The following PIK3AP1 variants were observed in gnomAD, a reference collection of about 807,000 sequenced individuals.
PIK3AP1 encodes phosphoinositide 3-kinase adapter protein 1.
PIK3AP1 carries 21 observed loss-of-function variants against 88.1 expected under a neutral mutation model. That is an observed-to-expected ratio of 0.24 (90% CI 0.17 to 0.34). PIK3AP1 has a LOEUF of 0.34. PIK3AP1 is among the 10% of genes least tolerant of loss of function. The probability of loss-of-function intolerance (pLI) is 1.00; values close to 1 mark genes in which losing one functional copy is unlikely to be tolerated. For missense variants in PIK3AP1, 828 were observed against 1,035.7 expected, an observed-to-expected ratio of 0.80 and a Z score of 2.75; for synonymous variants, 398 against 400.0, an observed-to-expected ratio of 1.00 and a Z score of 0.06.
intron 14 of PIK3AP1, among the ~76,000 whole-genome samples, chr10:96,609,472 A>G (rs999865146): frequency 6.6e-6 from 1 of 152,256 alleles, no homozygotes; most frequent in Non-Finnish European, 1.5e-5. Flanking sequence ...ACCTATTAGT[A>G]TTAGGTTTTG....
intron 2 of PIK3AP1, among the ~76,000 whole-genome samples, chr10:96,700,545 C>T (rs1697246931): frequency 6.6e-6 from 1 of 152,098 alleles, no homozygotes; most frequent in Admixed American, 6.6e-5. Context: ...GTATCTTCTT[C>T]CCCAAATCAA....
chr10:96,606,487 G>A (rs189278022), intron 14 of PIK3AP1, among the ~76,000 whole-genome samples: 132 of 152,328 alleles, frequency 8.7e-4, no homozygotes, highest in African/African-American at 3.2e-3. Flanking sequence ...CCTTCTGCTG[G>A]CATTCTTAAA....
intron 2 of PIK3AP1, among the ~76,000 whole-genome samples, chr10:96,671,927 A>G (rs956362460): frequency 8.5e-5 from 13 of 152,122 alleles, no homozygotes; most frequent in East Asian, 1.9e-4. Flanking sequence ...AGTCCCAGCT[A>G]CTTGGGAGGT....
chr10:96,688,482 T>C (rs2861673), intron 2 of PIK3AP1, among the ~76,000 whole-genome samples: 69,393 of 152,092 alleles, frequency 0.46, 16,040 homozygotes, highest in Middle Eastern at 0.62. Context: ...ATATTTATCA[T>C]GTACACCATG....
In PIK3AP1 at chr10:96,645,319, A is replaced by C. The variant is rs530884067; in HGVS notation, c.1375+154T>G. 2.0e-5 allele frequency among the ~76,000 whole-genome samples: 3 copies of C among 152,264 alleles called. No homozygotes were observed. The South Asian group carries it at 6.2e-4, about 32-fold the overall frequency. ...AGAAGAATTCTGCTTGTCACAGCAC[A>C]TGACTCCAGCCCTAGCTTTGTGTAA... is the stretch of plus-strand genomic sequence containing the variant. On this transcript the variant is annotated intron_variant, in intron 8 of 16. Transcript: ENST00000339364.
chr10:96,619,419 C>T (rs1428860095), intron 12 of PIK3AP1: 1 of 152,342 alleles, frequency 6.6e-6, no homozygotes, highest in Non-Finnish European at 1.5e-5. Context: ...CCCATCTGAT[C>T]TCTGAGGGTA....
intron 8 of PIK3AP1, among the ~76,000 whole-genome samples, chr10:96,640,761 G>A (rs1185731582): frequency 6.6e-6 from 1 of 151,826 alleles, no homozygotes. Flanking sequence ...AGGCTCAAGC[G>A]ATTCTCCCAC....
chr10:96,703,196 CT>C (rs1205618716), intron 2 of PIK3AP1, among the ~76,000 whole-genome samples: 3 of 152,050 alleles, frequency 2.0e-5, no homozygotes, highest in Admixed American at 6.6e-5. Context: ...TTCTTTTAAA[CT>C]GTAGTTTAAT....
chr10:96,676,791 A>C (rs624029), intron 2 of PIK3AP1, among the ~76,000 whole-genome samples: 25,295 of 151,926 alleles, frequency 0.17, 2,995 homozygotes, highest in African/African-American at 0.32. Flanking sequence ...CAGAATAATC[A>C]TCTCCATTCC....
intron 1 of PIK3AP1, among the ~76,000 whole-genome samples, chr10:96,716,500 A>G (rs1002157006): frequency 6.6e-6 from 1 of 152,202 alleles, no homozygotes; most frequent in African/African-American, 2.4e-5. Flanking sequence ...GAGGACAATG[A>G]AATCTATCAC....
At chr10:96,620,802 C>T in intron 11 of PIK3AP1, 2 of 473,144 alleles carry the variant, frequency 4.2e-6, no homozygotes, top group South Asian at 6.2e-5. Context: ...AATCTGCTGA[C>T]TCTCCCAAGT....
Position 96,720,285 on chromosome 10 carries a change from G to A in PIK3AP1, c.13+97C>T. ...AAGAGGGCAAGATCCCCGCACAGAG[G>A]ACGCAAACAGAAGCAAGCGGGGGAG... On this transcript the variant is annotated intron_variant, in intron 1 of 16. Transcript: ENST00000339364. The surrounding 1 kb of genome is among the most constrained non-coding windows in gnomAD (Gnocchi z 4.6). 1 of 1,149,462 alleles carries A rather than the reference G, an allele frequency of 8.7e-7. No homozygotes were observed. The highest frequency in any genetic ancestry group is 1.1e-6 in the Non-Finnish European group (1 of 905,322). The allele number at this position is 1,149,462 out of a possible 1,614,324, so 71.2% of individuals were successfully genotyped here.
chr10:96,650,207 G>A (rs1276573937), intron 6 of PIK3AP1, among the ~76,000 whole-genome samples: 1 of 152,178 alleles, frequency 6.6e-6, no homozygotes, highest in Non-Finnish European at 1.5e-5. Flanking sequence ...CAATACGAAA[G>A]AGAGTCCCCC....
At chr10:96,598,292 C>A (rs1342785064) in intron 16 of PIK3AP1, among the ~76,000 whole-genome samples, 1 of 151,972 alleles carries the variant, frequency 6.6e-6, no homozygotes, top group Non-Finnish European at 1.5e-5. Context: ...CTCAAGGAAT[C>A]CCTCCCTCCC....
At chr10:96,713,486 A>G (rs979869568) in intron 1 of PIK3AP1, among the ~76,000 whole-genome samples, 26 of 144,784 alleles carry the variant, frequency 1.8e-4, no homozygotes, top group African/African-American at 6.7e-4. Context: ...CCTGGGAGAC[A>G]GACCGAGACT....
At position 96,604,531 on chromosome 10, in the gene PIK3AP1, C is replaced by G. The variant is rs569593703; in HGVS notation, c.2171-482G>C. Among the ~76,000 whole-genome samples the G allele has an allele frequency of 5.9e-5, 9 of 152,098 alleles. No individual in the cohort carries two copies. In the East Asian group the frequency reaches 1.7e-3, roughly 29 times the overall value. ...TTTTATTAGAGTTCAGTTTTTCTTT[C>G]AGCATGAAACAAAATTATTCACTTT... On this transcript the variant is annotated intron_variant, in intron 14 of 16. Coordinates refer to ENST00000339364, the MANE Select transcript of PIK3AP1 (RefSeq NM_152309.3).
chr10:96,604,891 G>T (rs1848975718), intron 14 of PIK3AP1, among the ~76,000 whole-genome samples: 1 of 151,710 alleles, frequency 6.6e-6, no homozygotes, highest in Admixed American at 6.6e-5. Context: ...ACTGAGTTTT[G>T]CTTTGTTACC....
intron 2 of PIK3AP1, among the ~76,000 whole-genome samples, chr10:96,663,225 TA>T (rs1232745108): frequency 1.3e-5 from 2 of 152,128 alleles, no homozygotes; most frequent in African/African-American, 4.8e-5. Context: ...GAAAATACTC[TA>T]AAATGGATTA....
At chr10:96,602,904 A>T (rs561919006) in intron 15 of PIK3AP1, among the ~76,000 whole-genome samples, 29 of 152,210 alleles carry the variant, frequency 1.9e-4, no homozygotes, top group Non-Finnish European at 3.7e-4. Flanking sequence ...AGCAGAAGGC[A>T]GAGGTGTGAG....
Sources: gnomAD v4.1 joint callset for allele counts (sites outside exome capture counted in the v4.1 genomes callset) on GRCh38, gnomAD v4.1.1 for gene constraint, Gnocchi (gnomAD v3.1) non-coding constraint, MANE v1.5 for transcripts, NCBI Gene and HGNC (gene_info 2026-07-23, HGNC 2026-07-21) for gene names.